SV2C: variants seen among roughly 807,000 people sequenced by gnomAD.
The protein encoded by SV2C is synaptic vesicle glycoprotein 2C, also known as solute carrier family 22 member B3.
In SV2C, 49 loss-of-function variants were observed where a neutral mutation model predicts 79.7. The ratio of observed to expected loss-of-function variants is 0.61; its 90% CI spans 0.49 to 0.78. The LOEUF (loss-of-function observed/expected upper bound fraction) is 0.78, where lower values mean the gene tolerates loss of function less well. Ranked by LOEUF, SV2C falls within the 30% of genes least tolerant of loss-of-function variation. SV2C has a pLI of 0.00. For missense variants in SV2C, 833 were observed against 912.9 expected, an observed-to-expected ratio of 0.91 and a Z score of 1.13; for synonymous variants, 334 against 333.2, an observed-to-expected ratio of 1.00 and a Z score of -0.03.
At chr5:76,201,508 C>T (rs1015758336) in intron 3 of SV2C, among the ~76,000 whole-genome samples, 6 of 152,094 alleles carry the variant, frequency 3.9e-5, no homozygotes, top group African/African-American at 1.2e-4. Context: ...TAATTTCTTC[C>T]TCTGTGAATA....
intron 2 of SV2C, among the ~76,000 whole-genome samples, chr5:76,187,331 C>T (rs1275307429): frequency 1.3e-5 from 2 of 152,302 alleles, no homozygotes; most frequent in Middle Eastern, 3.4e-3. Context: ...GTCTTAGGCC[C>T]GCATGTGCTT....
intron 4 of SV2C, among the ~76,000 whole-genome samples, chr5:76,270,646 G>T (rs531186688): frequency 6.6e-6 from 1 of 152,210 alleles, no homozygotes. Context: ...TGTGTATTGC[G>T]TTGGGGCAGG....
the SV2C span, among the ~76,000 whole-genome samples, chr5:75,882,818 ACAAAAGC>A: frequency 6.6e-6 from 1 of 151,912 alleles, no homozygotes; most frequent in Non-Finnish European, 1.5e-5. Context: ...AGCAATGGCA[ACAAAAGC>A]CAAAATTGAC....
the SV2C span, among the ~76,000 whole-genome samples, chr5:75,867,021 C>T: frequency 6.6e-6 from 1 of 152,156 alleles, no homozygotes; most frequent in African/African-American, 2.4e-5. Flanking sequence ...GCTGATTTCT[C>T]TGTGTCAATG....
intron 1 of SV2C, among the ~76,000 whole-genome samples, chr5:76,122,676 G>A (rs571422191): frequency 0.014 from 2,131 of 151,830 alleles, 53 homozygotes; most frequent in African/African-American, 0.045. Flanking sequence ...TGAAACCAAC[G>A]AGAACAAAGA....
the SV2C span, among the ~76,000 whole-genome samples, chr5:75,939,012 T>C: frequency 2.0e-5 from 3 of 152,064 alleles, no homozygotes; most frequent in African/African-American, 7.2e-5. Context: ...CAAGTTAATA[T>C]CATTTGTCAC....
At chr5:76,285,421 A>T in intron 5 of SV2C, 126 bp downstream of exon 5, 1 of 1,392,214 alleles carries the variant, frequency 7.2e-7, no homozygotes, top group South Asian at 1.5e-5. Flanking sequence ...AGAATGATGG[A>T]GGGTTTGGTT....
intron 12 of SV2C, 49 bp downstream of exon 12, chr5:76,301,594 C>A: frequency 5.7e-6 from 9 of 1,566,698 alleles, no homozygotes; most frequent in Non-Finnish European, 7.8e-6. Context: ...CCCTGTGAGA[C>A]CACTGAAAAA....
the SV2C span, among the ~76,000 whole-genome samples, chr5:75,900,432 C>A: frequency 1.8e-3 from 281 of 152,264 alleles, 1 homozygote; most frequent in Admixed American, 4.1e-3. Flanking sequence ...CTGAGAGATC[C>A]GCTGTTAGTC....
intron 2 of SV2C, among the ~76,000 whole-genome samples, chr5:76,142,903 C>CTTTTTTTTTTTTTTTTTTTT (rs372569739): frequency 2.0e-4 from 27 of 134,652 alleles, no homozygotes; most frequent in Non-Finnish European, 3.4e-4. Flanking sequence ...TTTTCTTTTC[C>CTTTTTTTTTTTTTTTTTTTT]TTTTTTTTTG....
chr5:76,124,372 T>C (rs1748632337), intron 1 of SV2C, among the ~76,000 whole-genome samples: 1 of 152,194 alleles, frequency 6.6e-6, no homozygotes, highest in Admixed American at 6.5e-5. Context: ...GTATTTGTCT[T>C]TTTGTGGCTG....
intron 3 of SV2C, among the ~76,000 whole-genome samples, chr5:76,198,317 T>G (rs1744334527): frequency 6.6e-6 from 1 of 152,230 alleles, no homozygotes; most frequent in African/African-American, 2.4e-5. Flanking sequence ...TTAATGTGAG[T>G]GAGTTATTGC....
chr5:75,923,040 C>A, the SV2C span, among the ~76,000 whole-genome samples: 14 of 152,096 alleles, frequency 9.2e-5, no homozygotes, highest in Admixed American at 9.2e-4. Flanking sequence ...AAACAAATAG[C>A]TGAGCTTTGA....
chr5:76,046,432 G>A, the SV2C span, among the ~76,000 whole-genome samples: 1 of 152,174 alleles, frequency 6.6e-6, no homozygotes, highest in East Asian at 1.9e-4. Context: ...AAAGAGGAGA[G>A]GGAGGATGAT....
chr5:76,278,055 A>G (rs1747074970), intron 4 of SV2C, among the ~76,000 whole-genome samples: 1 of 152,260 alleles, frequency 6.6e-6, no homozygotes, highest in African/African-American at 2.4e-5. Flanking sequence ...AATTTGAAAA[A>G]GTGAATCAAG....
At chr5:76,184,299 G>T (rs1376490920) in intron 2 of SV2C, among the ~76,000 whole-genome samples, 1 of 152,168 alleles carries the variant, frequency 6.6e-6, no homozygotes, top group Non-Finnish European at 1.5e-5. Flanking sequence ...ATTCAAGTTT[G>T]TGGACCTCTC....
the SV2C span, among the ~76,000 whole-genome samples, chr5:75,850,310 G>T: frequency 0.015 from 2,356 of 152,210 alleles, 58 homozygotes; most frequent in Admixed American, 0.046. Context: ...CACCGTTCCC[G>T]TGATTGGTGT....
intron 4 of SV2C, among the ~76,000 whole-genome samples, chr5:76,257,805 G>T (rs564563146): frequency 6.6e-6 from 1 of 151,542 alleles, no homozygotes; most frequent in South Asian, 2.1e-4. Context: ...TGTCTATGGT[G>T]TGTAATATAT....
chr5:76,092,303 C>T (rs575773081), intron 1 of SV2C, among the ~76,000 whole-genome samples: 1 of 152,226 alleles, frequency 6.6e-6, no homozygotes, highest in East Asian at 1.9e-4. Context: ...TTTCAATATA[C>T]ACCTGCAATG....
Sources: gnomAD v4.1 joint callset for allele counts (sites outside exome capture counted in the v4.1 genomes callset) on GRCh38, gnomAD v4.1.1 for gene constraint, MANE v1.5 for transcripts, NCBI Gene and HGNC (gene_info 2026-07-23, HGNC 2026-07-21) for gene names.